Variants in LRP6 observed in about 807,000 individuals in gnomAD.
LRP6 encodes the protein low-density lipoprotein receptor-related protein 6.
LRP6 carries 43 observed loss-of-function variants against 184.1 expected under a neutral mutation model. That is an observed-to-expected ratio of 0.23 (90% CI 0.18 to 0.30). The LOEUF is 0.30. Ranked by LOEUF, LRP6 falls within the 10% of genes least tolerant of loss-of-function variation. The pLI is 1.00. For missense variants in LRP6, 1,571 were observed against 2,005.3 expected, an observed-to-expected ratio of 0.78 and a Z score of 4.14; for synonymous variants, 719 against 684.9, an observed-to-expected ratio of 1.05 and a Z score of -0.78.
intron 3 of LRP6, among the ~76,000 whole-genome samples, chr12:12,192,125 T>G (rs1353763039): frequency 6.6e-6 from 1 of 151,998 alleles, no homozygotes; most frequent in African/African-American, 2.4e-5. Flanking sequence ...AGAAATGAAC[T>G]ATAAATGACA....
chr12:12,189,065 T>C (rs539505486), intron 3 of LRP6, among the ~76,000 whole-genome samples: 15 of 152,324 alleles, frequency 9.8e-5, no homozygotes, highest in East Asian at 5.8e-4. Flanking sequence ...AAGTGAAAAG[T>C]TGAAATTCAC....
chr12:12,216,563 G>C (rs924624275), intron 2 of LRP6, among the ~76,000 whole-genome samples: 6 of 151,542 alleles, frequency 4.0e-5, no homozygotes, highest in African/African-American at 1.5e-4. Context: ...TTTAGTTTCT[G>C]CAACCGTTAG....
intron 13 of LRP6, 104 bp from the exon 14 acceptor site, chr12:12,149,257 G>C: frequency 1.1e-6 from 1 of 874,382 alleles, no homozygotes; most frequent in African/African-American, 1.6e-5. Context: ...AGCTGAGAAG[G>C]CTCTCTCAAG....
intron 2 of LRP6, among the ~76,000 whole-genome samples, chr12:12,225,233 G>A (rs1230975465): frequency 6.6e-6 from 1 of 152,080 alleles, no homozygotes; most frequent in Non-Finnish European, 1.5e-5. Context: ...ACGCAGTGGG[G>A]AAGAAGCTTG....
At chr12:12,252,480 T>C (rs1865347450) in intron 1 of LRP6, among the ~76,000 whole-genome samples, 1 of 152,220 alleles carries the variant, frequency 6.6e-6, no homozygotes, top group African/African-American at 2.4e-5. Context: ...TAAATTTGTA[T>C]AGGTAAAATG....
At chr12:12,155,218 A>G (rs561980496) in intron 12 of LRP6, 2 of 665,888 alleles carry the variant, frequency 3.0e-6, no homozygotes, top group African/African-American at 3.6e-5. Context: ...AAACAAACAA[A>G]AAGTCTTTCA....
intron 22 of LRP6, among the ~76,000 whole-genome samples, chr12:12,121,909 A>G (rs1157649736): frequency 6.7e-6 from 1 of 150,268 alleles, no homozygotes; most frequent in Non-Finnish European, 1.5e-5. Flanking sequence ...ATTCTGTACA[A>G]TTTCTGTACA....
chr12:12,135,463 CT>C (rs1185361578), intron 16 of LRP6, among the ~76,000 whole-genome samples, 163 bp from the exon 17 acceptor site: 2 of 135,730 alleles, frequency 1.5e-5, no homozygotes, highest in Admixed American at 8.2e-5. Flanking sequence ...TTATTATGGA[CT>C]TTTTTTACTT....
At chr12:12,266,153 T>A (rs1358252853) in intron 1 of LRP6, among the ~76,000 whole-genome samples, 1 of 152,014 alleles carries the variant, frequency 6.6e-6, no homozygotes, top group African/African-American at 2.4e-5. Flanking sequence ...TCACCCAGGG[T>A]CATTATATCC....
In LRP6 at chr12:12,126,755, A is replaced by G. The variant is rs1949677100; in HGVS notation, c.4248T>C (p.His1416=). 6.2e-7 allele frequency: 1 copy of G among 1,614,160 alleles called. No homozygotes were observed. The highest frequency in any genetic ancestry group is 1.3e-5 in the African/African-American group (1 of 75,068). ...AACCAAGAGGCACAGAAGCTGGTCCATGAACTACATAGTCATTAGTCATAG... is the reference window on the plus strand; with the variant it reads ...AACCAAGAGGCACAGAAGCTGGTCCGTGAACTACATAGTCATTAGTCATAG... ...GETMTNDYVV[H]GPASVPLGYV... is the part of the protein sequence containing the mutation. The change falls in exon 20 of 23, where the codon CAT becomes CAC. Residue 1416 remains histidine, a synonymous_variant. Coordinates refer to ENST00000261349, the MANE Select transcript of LRP6 (RefSeq NM_002336.3).
At chr12:12,228,683 G>A (rs995572976) in intron 2 of LRP6, among the ~76,000 whole-genome samples, 1 of 152,142 alleles carries the variant, frequency 6.6e-6, no homozygotes, top group Non-Finnish European at 1.5e-5. Flanking sequence ...TGTGAACAGC[G>A]CATGCAACAG....
At chr12:12,158,509 G>A (rs1293715099) in intron 12 of LRP6, among the ~76,000 whole-genome samples, 1 of 152,022 alleles carries the variant, frequency 6.6e-6, no homozygotes, top group Middle Eastern at 3.4e-3. Context: ...ATTTTTTGTA[G>A]AGGCAAGGTC....
chr12:12,240,604 C>T (rs1865039529), intron 2 of LRP6, among the ~76,000 whole-genome samples: 1 of 151,916 alleles, frequency 6.6e-6, no homozygotes, highest in Admixed American at 6.6e-5. Flanking sequence ...AATAAAAATA[C>T]ATACTTTTAA....
chr12:12,195,117 G>C (rs906080243), intron 3 of LRP6, among the ~76,000 whole-genome samples: 2 of 152,058 alleles, frequency 1.3e-5, no homozygotes, highest in Non-Finnish European at 2.9e-5. Flanking sequence ...TGGACACCTA[G>C]GTTGATACCA....
intron 15 of LRP6, 161 bp from the exon 16 acceptor site, chr12:12,138,695 G>A: frequency 7.4e-7 from 1 of 1,355,174 alleles, no homozygotes; most frequent in African/African-American, 1.5e-5. Flanking sequence ...ACATACACTA[G>A]AAAACAGCCA....
intron 2 of LRP6, among the ~76,000 whole-genome samples, chr12:12,228,360 T>C (rs1208897659): frequency 6.6e-6 from 1 of 151,112 alleles, no homozygotes; most frequent in East Asian, 1.9e-4. Flanking sequence ...CGAGGCTCCA[T>C]CTCAAAAAAA....
At chr12:12,261,079 C>T (rs985341558) in intron 1 of LRP6, among the ~76,000 whole-genome samples, 2 of 152,154 alleles carry the variant, frequency 1.3e-5, no homozygotes, top group Non-Finnish European at 2.9e-5. Context: ...TAGTTCAGTA[C>T]AGCAAATGGA....
intron 15 of LRP6, among the ~76,000 whole-genome samples, chr12:12,145,006 T>C (rs1314390371): frequency 6.6e-6 from 1 of 152,102 alleles, no homozygotes; most frequent in African/African-American, 2.4e-5. Flanking sequence ...GGCACATGTA[T>C]ACCTATGTAT....
chr12:12,163,900 G>A (rs1487674745), intron 9 of LRP6, among the ~76,000 whole-genome samples: 7 of 152,196 alleles, frequency 4.6e-5, no homozygotes, highest in African/African-American at 1.7e-4. Context: ...TTGGGAGGAC[G>A]AAGCGGGCGG....
Sources: allele counts gnomAD v4.1 joint callset (sites outside exome capture counted in the v4.1 genomes callset), GRCh38; gene constraint gnomAD v4.1.1; transcripts MANE v1.5; gene names NCBI Gene and HGNC (gene_info 2026-07-23, HGNC 2026-07-21).